ADCY7: variants seen among roughly 807,000 people sequenced by gnomAD.
ADCY7 encodes adenylate cyclase 7.
Under a neutral mutation model 120.6 loss-of-function variants are expected in ADCY7, and 72 were observed. The ratio of observed to expected loss-of-function variants is 0.60; its 90% confidence interval spans 0.49 to 0.73. The LOEUF (loss-of-function observed/expected upper bound fraction) is 0.73. ADCY7 is among the 30% of genes least tolerant of loss of function. The probability of loss-of-function intolerance (pLI) is 0.00; values close to 1 mark genes in which losing one functional copy is unlikely to be tolerated. For synonymous variants in ADCY7, 661 were observed against 628.0 expected (o/e 1.05, Z -0.78); for missense variants, 1,227 against 1,486.0 (o/e 0.83, Z 2.87).
intron 1 of ADCY7, among the ~76,000 whole-genome samples, chr16:50,267,126 A>G (rs1207847094): frequency 6.6e-6 from 1 of 152,218 alleles, no homozygotes; most frequent in Non-Finnish European, 1.5e-5. Flanking sequence ...AAAAACAAAC[A>G]AAACCTCTGA....
intron 8 of ADCY7, among the ~76,000 whole-genome samples, chr16:50,299,260 C>T (rs1453862792): frequency 3.9e-5 from 6 of 152,230 alleles, no homozygotes; most frequent in East Asian, 3.8e-4. Flanking sequence ...AAAGCATCTC[C>T]GGAGCTCAGA....
At chr16:50,264,347 T>C (rs1416670611), upstream of ADCY7, among the ~76,000 whole-genome samples, 1 of 152,264 alleles carries the variant, frequency 6.6e-6, no homozygotes, top group Non-Finnish European at 1.5e-5. Flanking sequence ...TGTGAATATA[T>C]GAAAATTTGT....
Position 50,312,552 on chromosome 16 carries a change from T to C in ADCY7, c.2605-338T>C, listed in dbSNP as rs368328186. Among the ~76,000 whole-genome samples, 9 of 152,190 alleles carry C rather than the reference T, an allele frequency of 5.9e-5. No homozygotes were observed. The East Asian group carries it at 1.2e-3, about 20-fold the overall frequency. On this transcript the variant is annotated intron_variant, in intron 21 of 25. Transcript: ENST00000673801. ...AAAATGTCTGTACTTCTACTAGTTA[T>C]GTGTAGCAAGTTTTCTAGATAGGAA...
At chr16:50,311,839 C>T (rs2036499141) in intron 20 of ADCY7, 53 bp downstream of exon 20, 1 of 1,366,802 alleles carries the variant, frequency 7.3e-7, no homozygotes, top group Non-Finnish European at 1.0e-6. Flanking sequence ...TTTTCCTCAC[C>T]TCCATCTGGA....
intron 7 of ADCY7, among the ~76,000 whole-genome samples, chr16:50,295,895 C>G (rs1041147188): frequency 6.6e-6 from 1 of 152,170 alleles, no homozygotes; most frequent in Admixed American, 6.5e-5. Context: ...CCTAGCCCAG[C>G]CTCAGGTGAT....
Position 50,316,875 on chromosome 16 carries a change from C to CA in ADCY7, c.*1371dup, listed in dbSNP as rs1815453664. The CA allele has an allele frequency of 1.3e-5, 2 of 152,522 alleles. No individual in the cohort carries two copies. Among genetic ancestry groups the CA allele is most frequent in the African/African-American group, 4.8e-5 (2 of 41,572 alleles). The allele number at this position is 152,522 out of a possible 1,614,324, so 9.4% of individuals were successfully genotyped here. On this transcript the variant is annotated 3_prime_UTR_variant, in exon 26 of 26. Coordinates refer to ENST00000673801, the MANE Select transcript of ADCY7 (RefSeq NM_001114.5). ...ATTTCTAATGCACTCAGTTTCCCTA[C>CA]ATAGCAGGGATTCTTAGCTAGGTGT...
At chr16:50,281,526 A>G (rs1439260554) in intron 1 of ADCY7, among the ~76,000 whole-genome samples, 1 of 152,180 alleles carries the variant, frequency 6.6e-6, no homozygotes, top group Non-Finnish European at 1.5e-5. Flanking sequence ...CTGGTGCAGG[A>G]TTCTGGCTGG....
At chr16:50,252,875 T>C (rs2032800050) in intron 1 of ADCY7, among the ~76,000 whole-genome samples, 1 of 152,248 alleles carries the variant, frequency 6.6e-6, no homozygotes, top group Non-Finnish European at 1.5e-5. Flanking sequence ...AACTTCTTAA[T>C]AGAATTGGAA....
At chr16:50,299,961 G>A (rs977528869) in intron 8 of ADCY7, among the ~76,000 whole-genome samples, 1 of 152,182 alleles carries the variant, frequency 6.6e-6, no homozygotes, top group Non-Finnish European at 1.5e-5. Context: ...AACTCCCAGG[G>A]CCCCTGCTTC....
At chr16:50,294,054 C>T (rs1028482943) in intron 6 of ADCY7, among the ~76,000 whole-genome samples, 1 of 152,208 alleles carries the variant, frequency 6.6e-6, no homozygotes, top group African/African-American at 2.4e-5. Flanking sequence ...ACATCCAAGG[C>T]TGGCCCGCTG....
At chr16:50,309,727 C>A in intron 18 of ADCY7, 81 bp downstream of exon 18, 2 of 1,264,662 alleles carry the variant, frequency 1.6e-6, no homozygotes, top group Non-Finnish European at 1.1e-6. Context: ...ACCCTCAAAG[C>A]ATGGGTGCTG....
chr16:50,249,532 T>G (rs2032691539), intron 1 of ADCY7, among the ~76,000 whole-genome samples: 1 of 152,224 alleles, frequency 6.6e-6, no homozygotes, highest in Non-Finnish European at 1.5e-5. Flanking sequence ...CCCTGAGCCC[T>G]GGTCTGTGGG....
chr16:50,264,285 T>C (rs1474920939), upstream of ADCY7, among the ~76,000 whole-genome samples: 4 of 152,260 alleles, frequency 2.6e-5, no homozygotes, highest in Non-Finnish European at 5.9e-5. Context: ...TTCATTCATG[T>C]TGTGTGTTAG....
At chr16:50,312,290 C>A (rs541657217) in intron 21 of ADCY7, 99 bp downstream of exon 21, 6 of 1,392,914 alleles carry the variant, frequency 4.3e-6, no homozygotes, top group Non-Finnish European at 6.0e-6. Flanking sequence ...CTGAGCTTGG[C>A]TTCCTCAGGT....
chr16:50,282,308 C>T (rs2034322891), intron 1 of ADCY7, among the ~76,000 whole-genome samples: 1 of 152,242 alleles, frequency 6.6e-6, no homozygotes, highest in African/African-American at 2.4e-5. Flanking sequence ...GAAGGATTTT[C>T]CGAGCACCCA....
intron 17 of ADCY7, 30 bp downstream of exon 17, chr16:50,308,822 CG>C: frequency 6.3e-7 from 1 of 1,585,568 alleles, no homozygotes. Flanking sequence ...GGCAGGCCTC[CG>C]GGGTAGAGGG....
In ADCY7 at chr16:50,271,658, G is replaced by GC. The variant is rs560214583; in HGVS notation, c.-269+4984dup. Among the ~76,000 whole-genome samples, 478 of 152,218 alleles carry GC rather than the reference G, an allele frequency of 3.1e-3. 4 individuals are homozygous for GC. The highest frequency in any genetic ancestry group is 4.7e-3 in the Non-Finnish European group (320 of 67,996). On this transcript the variant is annotated intron_variant, in intron 1 of 25. Coordinates refer to ENST00000673801, the MANE Select transcript of ADCY7 (RefSeq NM_001114.5). ...TGTCACCGTTATCCACTCTGGGCCA[G>GC]CCCCCCTGACATTTTCACTCCCAGC...
chr16:50,280,057 T>C (rs1257100866), intron 1 of ADCY7, among the ~76,000 whole-genome samples: 1 of 152,200 alleles, frequency 6.6e-6, no homozygotes, highest in Non-Finnish European at 1.5e-5. Flanking sequence ...AATTCAGCTG[T>C]GAATCCATCA....
chr16:50,260,203 G>A (rs1405696547), intron 1 of ADCY7, among the ~76,000 whole-genome samples: 1 of 152,234 alleles, frequency 6.6e-6, no homozygotes, highest in Non-Finnish European at 1.5e-5. Context: ...AGGTCAATCT[G>A]GCAGAAATGT....
Sources: gnomAD v4.1 joint callset for allele counts (sites outside exome capture counted in the v4.1 genomes callset) on GRCh38, gnomAD v4.1.1 for gene constraint, MANE v1.5 for transcripts, NCBI Gene and HGNC (gene_info 2026-07-23, HGNC 2026-07-21) for gene names.